The following CPT1A variants were observed in gnomAD, a reference collection of about 807,000 sequenced individuals.
CPT1A encodes carnitine O-palmitoyltransferase 1, liver isoform.
A neutral mutation model predicts 100.8 loss-of-function variants in CPT1A; 64 were observed. The ratio of observed to expected loss-of-function variants is 0.63; its 90% CI spans 0.52 to 0.78. The LOEUF (loss-of-function observed/expected upper bound fraction) is 0.78, where lower values mean the gene tolerates loss of function less well. CPT1A is among the 30% of genes least tolerant of loss of function. The pLI is 0.00. For missense variants in CPT1A, 802 were observed against 1,034.1 expected, an observed-to-expected ratio of 0.78 and a Z score of 3.08; for synonymous variants, 363 against 396.0, an observed-to-expected ratio of 0.92 and a Z score of 0.99.
intron 9 of CPT1A, among the ~76,000 whole-genome samples, chr11:68,787,014 G>A (rs1410756921): frequency 1.3e-5 from 2 of 152,066 alleles, no homozygotes; most frequent in Non-Finnish European, 2.9e-5. Flanking sequence ...GATGCTGGCC[G>A]GGCAATAAAA....
chr11:68,844,256 C>T (rs992666500), upstream of CPT1A: 44 of 152,278 alleles, frequency 2.9e-4, no homozygotes, highest in Admixed American at 2.9e-3. Flanking sequence ...CTGCAGCTCT[C>T]CTGCCCGGGT....
At chr11:68,804,268 C>T (rs538263621) in intron 4 of CPT1A, among the ~76,000 whole-genome samples, 167 bp from the exon 5 acceptor site, 9 of 152,296 alleles carry the variant, frequency 5.9e-5, no homozygotes, top group South Asian at 2.1e-4. Flanking sequence ...CCACTTTTCC[C>T]GTGCGCACAA....
chr11:68,838,397 C>T (rs1566394645), intron 1 of CPT1A, among the ~76,000 whole-genome samples: 1 of 151,792 alleles, frequency 6.6e-6, no homozygotes, highest in Non-Finnish European at 1.5e-5. Flanking sequence ...TTGAAATTTA[C>T]ACAAGGTAAC....
At position 68,763,863 on chromosome 11, in the gene CPT1A, G is replaced by A. The variant is rs542193397; in HGVS notation, c.1741-1102C>T. Among the ~76,000 whole-genome samples the A allele has an allele frequency of 1.9e-4, 29 of 152,306 alleles. No homozygotes were observed. The South Asian group carries it at 5.6e-3, about 29-fold the overall frequency. The stretch of plus-strand genomic sequence containing the variant: ...TGGGAACAGAATCACAGCAGCTGGA[G>A]AGCTGGGCTGAACCCGGGAGCCTCT... On this transcript the variant is annotated intron_variant, in intron 14 of 18. Transcript: ENST00000265641.
rs541252091 is a variant in CPT1A, at chr11:68,808,076, C to T, written c.282-438G>A. On this transcript the variant is annotated intron_variant, in intron 3 of 18. Transcript: ENST00000265641. ...CATGCCCTGCCGACCTGTGCGTCCC[C>T]GGCAGGTGCGCAGGAGATTCTGGGC... Among the ~76,000 whole-genome samples, 537 of 152,324 alleles carry T rather than the reference C, an allele frequency of 3.5e-3. 4 individuals are homozygous for T. The highest frequency in any genetic ancestry group is 4.4e-4 in the Non-Finnish European group (30 of 68,032).
At chr11:68,773,215 T>C in intron 14 of CPT1A, 50 bp downstream of exon 14, 2 of 1,610,454 alleles carry the variant, frequency 1.2e-6, no homozygotes, top group Non-Finnish European at 1.7e-6. Context: ...TGGGCAGGTG[T>C]AGGAACCCCC....
intron 1 of CPT1A, among the ~76,000 whole-genome samples, chr11:68,817,381 T>A (rs1856458283): frequency 6.6e-6 from 1 of 152,098 alleles, no homozygotes; most frequent in South Asian, 2.1e-4. Context: ...ACTTCAGACA[T>A]CTGTCCATAT....
chr11:68,817,171 T>G (rs1473348571), intron 1 of CPT1A, among the ~76,000 whole-genome samples: 3 of 143,702 alleles, frequency 2.1e-5, no homozygotes, highest in Non-Finnish European at 3.0e-5. Flanking sequence ...GTGTGTGTGG[T>G]GTGTGTGTGT....
chr11:68,827,297 C>A (rs1374804039), intron 1 of CPT1A, among the ~76,000 whole-genome samples: 1 of 152,180 alleles, frequency 6.6e-6, no homozygotes, highest in African/African-American at 2.4e-5. Flanking sequence ...CACACCACTG[C>A]ACTCCAGCCT....
At chr11:68,827,197 G>A (rs1856755108) in intron 1 of CPT1A, among the ~76,000 whole-genome samples, 1 of 152,128 alleles carries the variant, frequency 6.6e-6, no homozygotes, top group Non-Finnish European at 1.5e-5. Context: ...ACCAGGCGCG[G>A]TGGTGAGCAC....
chr11:68,797,216 G>T (rs1399191369), intron 6 of CPT1A, among the ~76,000 whole-genome samples: 1 of 152,162 alleles, frequency 6.6e-6, no homozygotes, highest in Admixed American at 6.5e-5. Context: ...GAAGTGGGAG[G>T]ATTGCTTGAG....
intron 3 of CPT1A, among the ~76,000 whole-genome samples, chr11:68,808,670 G>A (rs111344702): frequency 0.05 from 7,618 of 151,936 alleles, 630 homozygotes; most frequent in African/African-American, 0.17. Context: ...TGCCTGGCCA[G>A]AAATGCAGCT....
chr11:68,830,807 A>T (rs1566389541), intron 1 of CPT1A, among the ~76,000 whole-genome samples: 1 of 152,108 alleles, frequency 6.6e-6, no homozygotes, highest in Non-Finnish European at 1.5e-5. Context: ...CACGAATCCA[A>T]ACTCCCCAAG....
chr11:68,778,120 G>A (rs547319709), intron 12 of CPT1A, among the ~76,000 whole-genome samples: 108 of 151,164 alleles, frequency 7.1e-4, no homozygotes, highest in African/African-American at 2.5e-3. Context: ...TTCCTACATA[G>A]AAAACCTCCC....
intron 17 of CPT1A, among the ~76,000 whole-genome samples, chr11:68,759,886 C>T (rs1490758528): frequency 6.6e-6 from 1 of 151,342 alleles, no homozygotes; most frequent in East Asian, 1.9e-4. Context: ...CACACACACA[C>T]AAATTAGCTG....
At chr11:68,784,714 C>G in intron 10 of CPT1A, 101 bp downstream of exon 10, 2 of 1,173,814 alleles carry the variant, frequency 1.7e-6, no homozygotes, top group Non-Finnish European at 2.5e-6. Flanking sequence ...GGTGGGGAGT[C>G]CCGTGCCAGG....
Position 68,796,913 on chromosome 11 carries a change from C to T in CPT1A, c.714G>A (p.Glu238=), listed in dbSNP as rs1334949013. The T allele has an allele frequency of 6.2e-7, 1 of 1,614,062 alleles. No homozygotes were observed. The highest frequency in any genetic ancestry group is 8.5e-7 in the Non-Finnish European group (1 of 1,179,986). ...GCCCTCGTCCTCGGAGGTAGATGTACTCCTCCCACCAGTCGCTCACCTAGT... is the reference window on the plus strand; with the variant it reads ...GCCCTCGTCCTCGGAGGTAGATGTATTCCTCCCACCAGTCGCTCACCTAGT... ...ATNYVSDWWE[E]YIYLRGRGPL... Residue 238 remains glutamate (E), a synonymous_variant, in exon 7 of 19, where the codon GAG becomes GAA. Coordinates refer to ENST00000265641, the MANE Select transcript of CPT1A (RefSeq NM_001876.4).
intron 1 of CPT1A, among the ~76,000 whole-genome samples, chr11:68,840,380 A>G (rs1857129740): frequency 6.6e-6 from 1 of 152,248 alleles, no homozygotes; most frequent in African/African-American, 2.4e-5. Context: ...AATGAAATAA[A>G]CATGCTTGCA....
Position 68,832,987 on chromosome 11 carries a change from G to A in CPT1A, c.-14+8788C>T, listed in dbSNP as rs559844778. 3.9e-5 allele frequency among the ~76,000 whole-genome samples: 6 copies of A among 152,356 alleles called. No individual in the cohort carries two copies. The East Asian group carries it at 1.2e-3, about 29-fold the overall frequency. On this transcript the variant is annotated intron_variant, in intron 1 of 18. Transcript: ENST00000265641. ...AGTGTCTCTGGCGAAGGGCAGGGCA[G>A]TTATCTCATCATCTACAACACATTC...
Sources: allele counts gnomAD v4.1 joint callset (sites outside exome capture counted in the v4.1 genomes callset), GRCh38; gene constraint gnomAD v4.1.1; transcripts MANE v1.5; gene names NCBI Gene and HGNC (gene_info 2026-07-23, HGNC 2026-07-21).